HDAC9: variants seen among roughly 807,000 people sequenced by gnomAD.
HDAC9 encodes the protein histone deacetylase 9.
A neutral mutation model predicts 139.4 loss-of-function variants in HDAC9; 41 were observed. The observed-to-expected ratio is 0.29, with a 90% CI of 0.23 to 0.38. HDAC9 has a LOEUF of 0.38. Ranked by LOEUF, HDAC9 falls within the 10% of genes least tolerant of loss-of-function variation. The probability of loss-of-function intolerance (pLI) is 1.00; values close to 1 mark genes in which losing one functional copy is unlikely to be tolerated. For synonymous variants in HDAC9, 517 were observed against 476.2 expected, an observed-to-expected ratio of 1.09 and a Z score of -1.12; for missense variants, 1,147 against 1,297.0, an observed-to-expected ratio of 0.88 and a Z score of 1.78.
intron 2 of HDAC9, among the ~76,000 whole-genome samples, chr7:18,279,801 A>T (rs1348754547): frequency 6.6e-6 from 1 of 152,032 alleles, no homozygotes; most frequent in African/African-American, 2.4e-5. Context: ...TATTGCCTAG[A>T]AACTAGTTTC....
intron 2 of HDAC9, among the ~76,000 whole-genome samples, chr7:18,224,404 T>A (rs891366785): frequency 6.6e-6 from 1 of 152,194 alleles, no homozygotes; most frequent in African/African-American, 2.4e-5. Context: ...TTTAAAACCA[T>A]AGTGGTCCTT....
intron 13 of HDAC9, among the ~76,000 whole-genome samples, chr7:18,728,742 G>C (rs368023532): frequency 4.8e-4 from 73 of 152,198 alleles, no homozygotes; most frequent in Middle Eastern, 3.4e-3. Context: ...GCTTGGAAAA[G>C]TTAAATCTAT....
rs1476888330 is a variant in HDAC9, at chr7:18,732,669, A to G, written c.1909+4912A>G. Among the ~76,000 whole-genome samples, 27 of 123,584 alleles carry G rather than the reference A, an allele frequency of 2.2e-4. 3 individuals are homozygous for G. The highest frequency in any genetic ancestry group is 8.8e-4 in the African/African-American group (25 of 28,516). 81.1% of individuals were successfully genotyped at this position (123,584 alleles called of 152,430 possible). A position where few individuals can be genotyped will look rare whatever the true frequency, so the allele number is the denominator to read the frequency against. On this transcript the variant is annotated intron_variant, in intron 13 of 25. Transcript: ENST00000686413. ...TGTGTATATATACACACACACGTGT[A>G]TATGTGTGCGTATGTGTACACACAC...
At chr7:18,467,286 AC>A (rs770604800) in intron 1 of HDAC9, among the ~76,000 whole-genome samples, 13 of 152,012 alleles carry the variant, frequency 8.6e-5, no homozygotes, top group Admixed American at 6.6e-5. Flanking sequence ...TCTCCCTCAT[AC>A]CCTACCTCTA....
At chr7:18,868,719 G>A (rs1005825132) in intron 21 of HDAC9, among the ~76,000 whole-genome samples, 2 of 152,100 alleles carry the variant, frequency 1.3e-5, no homozygotes, top group Admixed American at 1.3e-4. Flanking sequence ...AATGTTGGGT[G>A]TGCTAGGCTT....
At chr7:18,842,913 A>G (rs941656210) in intron 21 of HDAC9, among the ~76,000 whole-genome samples, 1 of 152,108 alleles carries the variant, frequency 6.6e-6, no homozygotes, top group Non-Finnish European at 1.5e-5. Context: ...AAGTCCAGGA[A>G]GTATCTTGAA....
intron 22 of HDAC9, among the ~76,000 whole-genome samples, chr7:18,893,103 A>C (rs1325062657): frequency 6.6e-6 from 1 of 151,866 alleles, no homozygotes; most frequent in Admixed American, 6.6e-5. Flanking sequence ...AGTGAGAAGA[A>C]CAGACATGCA....
intron 12 of HDAC9, among the ~76,000 whole-genome samples, chr7:18,684,136 T>C (rs1782086736): frequency 6.6e-6 from 1 of 151,502 alleles, no homozygotes; most frequent in Non-Finnish European, 1.5e-5. Context: ...TGCATGCCTG[T>C]AGTCCCATCT....
chr7:18,665,478 A>G (rs1317255469), intron 11 of HDAC9, among the ~76,000 whole-genome samples: 1 of 151,974 alleles, frequency 6.6e-6, no homozygotes, highest in Non-Finnish European at 1.5e-5. Context: ...TTGACTTCTG[A>G]AAACTAAGTT....
intron 21 of HDAC9, among the ~76,000 whole-genome samples, chr7:18,850,121 A>C (rs1562987577): frequency 6.6e-6 from 1 of 151,958 alleles, no homozygotes; most frequent in Non-Finnish European, 1.5e-5. Flanking sequence ...ATAAGCAAAC[A>C]CGAAGCATTA....
At chr7:18,721,597 A>G (rs1389093492) in intron 12 of HDAC9, among the ~76,000 whole-genome samples, 4 of 152,166 alleles carry the variant, frequency 2.6e-5, no homozygotes, top group African/African-American at 9.7e-5. Context: ...TGCTCTTGCT[A>G]AAGTCCATGA....
chr7:18,472,897 A>G (rs1008181568), intron 1 of HDAC9, among the ~76,000 whole-genome samples: 1 of 152,228 alleles, frequency 6.6e-6, no homozygotes, highest in African/African-American at 2.4e-5. Flanking sequence ...TGTTTAGAAC[A>G]GCACCTGATG....
intron 2 of HDAC9, among the ~76,000 whole-genome samples, chr7:18,211,561 G>A (rs1343761485): frequency 6.6e-6 from 1 of 152,090 alleles, no homozygotes; most frequent in African/African-American, 2.4e-5. Flanking sequence ...CAAAATTATC[G>A]AGACATCCAC....
chr7:18,181,570 G>A (rs543422403), intron 2 of HDAC9, among the ~76,000 whole-genome samples: 7 of 152,242 alleles, frequency 4.6e-5, no homozygotes, highest in Admixed American at 1.3e-4. Flanking sequence ...GTCAAAGCAC[G>A]CATCAGCTTA....
At chr7:18,412,285 T>C (rs950563721) in intron 1 of HDAC9, among the ~76,000 whole-genome samples, 2 of 152,182 alleles carry the variant, frequency 1.3e-5, no homozygotes, top group Admixed American at 1.3e-4. Flanking sequence ...GCACATTCTT[T>C]ATTTTCTAGC....
intron 2 of HDAC9, among the ~76,000 whole-genome samples, chr7:18,536,483 G>A (rs750995716): frequency 6.6e-6 from 1 of 152,160 alleles, no homozygotes; most frequent in Non-Finnish European, 1.5e-5. Context: ...TGTACAAAAA[G>A]TGAAATATTT....
chr7:18,712,322 A>G (rs985532001), intron 12 of HDAC9, among the ~76,000 whole-genome samples: 1 of 152,140 alleles, frequency 6.6e-6, no homozygotes, highest in Non-Finnish European at 1.5e-5. Flanking sequence ...CCTTGCTTCA[A>G]ACTCCATGTT....
At chr7:18,610,164 G>C (rs1449771120) in intron 6 of HDAC9, among the ~76,000 whole-genome samples, 1 of 152,146 alleles carries the variant, frequency 6.6e-6, no homozygotes, top group Non-Finnish European at 1.5e-5. Context: ...ATGTCCATCA[G>C]TGATAGACTG....
At chr7:18,248,472 A>G (rs1369815526) in intron 2 of HDAC9, among the ~76,000 whole-genome samples, 1 of 152,174 alleles carries the variant, frequency 6.6e-6, no homozygotes, top group African/African-American at 2.4e-5. Flanking sequence ...CCTTGAATGT[A>G]TTGAACATGG....
Sources: allele counts gnomAD v4.1 joint callset (sites outside exome capture counted in the v4.1 genomes callset), GRCh38; gene constraint gnomAD v4.1.1; transcripts MANE v1.5; gene names NCBI Gene and HGNC (gene_info 2026-07-23, HGNC 2026-07-21).